ZNF608: variants seen among roughly 807,000 people sequenced by gnomAD.
ZNF608 encodes the protein renal carcinoma antigen NY-REN-36.
Under a neutral mutation model 109.0 loss-of-function variants are expected in ZNF608, and 12 were observed. The observed-to-expected ratio is 0.11, with a 90% confidence interval of 0.07 to 0.18. The LOEUF is 0.18. Ranked by LOEUF, ZNF608 falls within the 10% of genes least tolerant of loss-of-function variation. The pLI is 1.00. For synonymous variants in ZNF608, 732 were observed against 717.4 expected, an observed-to-expected ratio of 1.02 and a Z score of -0.33; for missense variants, 1,707 against 1,879.3, an observed-to-expected ratio of 0.91 and a Z score of 1.70.
At chr5:124,681,136 C>A (rs1340926649) in intron 3 of ZNF608, among the ~76,000 whole-genome samples, 2 of 151,996 alleles carry the variant, frequency 1.3e-5, no homozygotes, top group Admixed American at 1.3e-4. Flanking sequence ...ACAAGAGGAC[C>A]AAGCTCAGAA....
intron 2 of ZNF608, among the ~76,000 whole-genome samples, chr5:124,738,536 T>C (rs950156207): frequency 6.6e-6 from 1 of 152,216 alleles, no homozygotes; most frequent in Non-Finnish European, 1.5e-5. Flanking sequence ...CCACCTCTTC[T>C]ACACCTCTAG....
upstream of ZNF608, among the ~76,000 whole-genome samples, chr5:124,747,468 T>G (rs961283126): frequency 6.6e-6 from 1 of 151,900 alleles, no homozygotes; most frequent in Non-Finnish European, 1.5e-5. Context: ...AGGAGCGATT[T>G]TGTTACAGTG....
At chr5:124,726,832 A>ATATG (rs1561586885) in intron 2 of ZNF608, among the ~76,000 whole-genome samples, 1 of 152,184 alleles carries the variant, frequency 6.6e-6, no homozygotes, top group Non-Finnish European at 1.5e-5. Flanking sequence ...CGCCCAACAC[A>ATATG]TATGTGTTAC....
intron 3 of ZNF608, among the ~76,000 whole-genome samples, chr5:124,695,143 A>G (rs1208123639): frequency 6.6e-6 from 1 of 152,156 alleles, no homozygotes; most frequent in Non-Finnish European, 1.5e-5. Context: ...CAAGTTCCCC[A>G]TTACTGCACT....
At chr5:124,670,843 G>C (rs948890813) in intron 3 of ZNF608, among the ~76,000 whole-genome samples, 2 of 152,080 alleles carry the variant, frequency 1.3e-5, no homozygotes, top group South Asian at 2.1e-4. Context: ...CTTATAAGTC[G>C]TTTTCAAAAA....
At position 124,646,670 on chromosome 5, in the gene ZNF608, C is replaced by G. The variant is rs746833466; in HGVS notation, c.3705+9G>C. 38 of 1,605,306 alleles carry G rather than the reference C, an allele frequency of 2.4e-5. 2 individuals carry two copies. The South Asian group carries it at 3.6e-4, about 15-fold the overall frequency. ...CTCTCCCTGTTGGGGCCACGCTCCA[C>G]AATCTTACTTGTTTAAATCTCGAGG... is the stretch of plus-strand genomic sequence containing the variant. On this transcript the variant is annotated intron_variant, in intron 5 of 9. Transcript: ENST00000513986.
chr5:124,647,229 ACTTT>A lies in ZNF608; in HGVS notation c.3151_3154del (p.Lys1051TrpfsTer15). On this transcript the variant is annotated frameshift_variant, in exon 5 of 10. Coordinates refer to ENST00000513986, the MANE Select transcript of ZNF608 (RefSeq NM_020747.3). LOFTEE classifies it high-confidence loss of function. ...CTGTAAGGATGCAGAATTGTGGTCC[ACTTT>A]CTTAGAATCTAACTGCTCTGCCTTG... is the stretch of plus-strand genomic sequence containing the variant. 6.2e-7 allele frequency: 1 copy of A among 1,614,200 alleles called. No individual in the cohort carries two copies. The highest frequency in any genetic ancestry group is 8.5e-7 in the Non-Finnish European group (1 of 1,180,026).
intron 2 of ZNF608, among the ~76,000 whole-genome samples, chr5:124,722,613 A>G (rs867196129): frequency 1.4e-5 from 2 of 138,994 alleles, no homozygotes; most frequent in Admixed American, 1.5e-4. Flanking sequence ...ACACACACAC[A>G]CACACACGCA....
chr5:124,648,209 C>A lies in ZNF608; in HGVS notation c.2175G>T (p.Thr725=). ...TTTTCAGTTTAGAGAGGTTTTTGTC[C>A]GTTTTGCAGTTGGTAGCTTTTTTGC... ...EKGKKATNCK[T]DKNLSKLKSA... is the part of the protein sequence containing the mutation. The change falls in exon 5 of 10, where the codon ACG becomes ACT. Residue 725 remains threonine (T), a synonymous_variant. Transcript: ENST00000513986. The A allele has an allele frequency of 6.2e-7, 1 of 1,614,028 alleles. No homozygotes were observed. Among genetic ancestry groups the A allele is most frequent in the South Asian group, 1.1e-5 (1 of 91,068 alleles).
At chr5:124,722,122 G>A (rs1753949435) in intron 2 of ZNF608, among the ~76,000 whole-genome samples, 1 of 151,914 alleles carries the variant, frequency 6.6e-6, no homozygotes, top group African/African-American at 2.4e-5. Flanking sequence ...GCCAACATCA[G>A]CAGGACTTAC....
In ZNF608 at chr5:124,644,469, G is replaced by A. The variant is rs746413620; in HGVS notation, c.3898C>T (p.His1300Tyr). 1 of 1,614,114 alleles carries A rather than the reference G, an allele frequency of 6.2e-7. No homozygotes were observed. Among genetic ancestry groups the A allele is most frequent in the South Asian group, 1.1e-5 (1 of 91,068 alleles). The change falls in exon 6 of 10, where the codon CAT becomes TAT. Residue 1300 changes from histidine to tyrosine, a missense_variant. This residue lies in a region of ZNF608 where 1,073 missense variants were observed against 1,133.5 expected (regional missense o/e 0.95). Coordinates refer to ENST00000513986, the MANE Select transcript of ZNF608 (RefSeq NM_020747.3). ...TCCTCCATTGATTGAGAATCAGGATGCTTGGCCTCTTTGGGCTCCTCTTTA... is the reference window on the plus strand; with the variant it reads ...TCCTCCATTGATTGAGAATCAGGATACTTGGCCTCTTTGGGCTCCTCTTTA... ...SIKEEPKEAK[H>Y]PDSQSMEESK...
At chr5:124,748,030 T>G (rs562163279), upstream of ZNF608, among the ~76,000 whole-genome samples, 2 of 152,342 alleles carry the variant, frequency 1.3e-5, no homozygotes, top group East Asian at 3.9e-4. Context: ...TGTTGCTTGC[T>G]TTTTTAAGGA....
intron 2 of ZNF608, among the ~76,000 whole-genome samples, chr5:124,708,986 A>G (rs1300628315): frequency 6.6e-6 from 1 of 152,104 alleles, no homozygotes; most frequent in Non-Finnish European, 1.5e-5. Context: ...AGCCTGACCA[A>G]CATGGAAAAA....
At position 124,744,165 on chromosome 5, in the gene ZNF608, G is replaced by A. The variant is rs1390810434; in HGVS notation, c.825C>T (p.Leu275=). ...TCTTTACCAACATAGAGTTTCCCAT[G>A]AGCCCTGAATCCGGGGCACTTTTGC... ...EVSKSAPDSG[L]MGNSMLVKKE... is the part of the protein sequence containing the mutation. The change falls in exon 2 of 10, where the codon CTC becomes CTT. Residue 275 remains leucine, a synonymous_variant. Transcript: ENST00000513986. This position sits in a 1 kb window ranked among gnomAD's most constrained non-coding sequence, Gnocchi z 4.5. 2 of 1,613,422 alleles carry A rather than the reference G, an allele frequency of 1.2e-6. No individual in the cohort carries two copies. The highest frequency in any genetic ancestry group is 1.6e-4 in the Middle Eastern group (1 of 6,062).
intron 2 of ZNF608, among the ~76,000 whole-genome samples, chr5:124,722,884 G>A (rs1753988214): frequency 6.6e-6 from 1 of 152,202 alleles, no homozygotes; most frequent in African/African-American, 2.4e-5. Context: ...TTTATATTAA[G>A]AGTTCAATAA....
At chr5:124,730,856 G>A (rs922791704) in intron 2 of ZNF608, among the ~76,000 whole-genome samples, 3 of 152,206 alleles carry the variant, frequency 2.0e-5, no homozygotes, top group African/African-American at 7.2e-5. Context: ...TAAACTTACT[G>A]AAATAAATTT....
At chr5:124,650,171 G>A (rs1396759108) in intron 3 of ZNF608, among the ~76,000 whole-genome samples, 1 of 152,160 alleles carries the variant, frequency 6.6e-6, no homozygotes, top group African/African-American at 2.4e-5. Flanking sequence ...TTTTTATTAA[G>A]AAAAAATAAT....
chr5:124,668,458 T>C (rs767695369), intron 3 of ZNF608, among the ~76,000 whole-genome samples: 2 of 151,774 alleles, frequency 1.3e-5, no homozygotes, highest in Non-Finnish European at 2.9e-5. Context: ...TATTCCATAT[T>C]TGTCCTCCTT....
At chr5:124,704,801 G>T (rs192690571) in intron 2 of ZNF608, among the ~76,000 whole-genome samples, 1 of 151,894 alleles carries the variant, frequency 6.6e-6, no homozygotes, top group African/African-American at 2.4e-5. Flanking sequence ...ACAGAATGTC[G>T]CCTAGCCCAA....
Sources: gnomAD v4.1 joint callset for allele counts (sites outside exome capture counted in the v4.1 genomes callset) on GRCh38, gnomAD v4.1.1 for gene constraint, gnomAD v4.1.1 regional missense constraint, Gnocchi (gnomAD v3.1) non-coding constraint, MANE v1.5 for transcripts, NCBI Gene and HGNC (gene_info 2026-07-23, HGNC 2026-07-21) for gene names.